The following MTA3 variants were observed in gnomAD, a reference collection of about 807,000 sequenced individuals.
MTA3 encodes metastasis-associated protein MTA3.
MTA3 carries 34 observed loss-of-function variants against 83.5 expected under a neutral mutation model. That is an observed-to-expected ratio of 0.41 (90% CI 0.31 to 0.54). MTA3 has a LOEUF of 0.54. MTA3 is among the 20% of genes least tolerant of loss of function. MTA3 has a pLI of 0.33. For synonymous variants in MTA3, 303 were observed against 252.7 expected, an observed-to-expected ratio of 1.20 and a Z score of -1.89; for missense variants, 761 against 726.4, an observed-to-expected ratio of 1.05 and a Z score of -0.55.
chr2:42,667,570 T>TTATGTGTGTGTGTGTGTGTGTGTTTGTG (rs770325715), intron 8 of MTA3, among the ~76,000 whole-genome samples: 1 of 145,010 alleles, frequency 6.9e-6, no homozygotes, highest in African/African-American at 2.6e-5. Context: ...CATTTAAAAA[T>TTATGTGTGTGTGTGTGTGTGTGTTTGTG]TGTGTGTGTG....
At chr2:42,604,145 G>A (rs1682941493) in intron 3 of MTA3, among the ~76,000 whole-genome samples, 1 of 151,746 alleles carries the variant, frequency 6.6e-6, no homozygotes, top group South Asian at 2.1e-4. Context: ...GGGTTCAAGC[G>A]ATTCTCCTGC....
At chr2:42,658,378 A>G (rs1420323339) in intron 7 of MTA3, among the ~76,000 whole-genome samples, 2 of 152,204 alleles carry the variant, frequency 1.3e-5, no homozygotes, top group Non-Finnish European at 2.9e-5. Context: ...GATTTATGGC[A>G]CTATTCATAG....
intron 2 of MTA3, among the ~76,000 whole-genome samples, chr2:42,520,607 G>A (rs1159199332): frequency 1.3e-5 from 2 of 151,324 alleles, no homozygotes; most frequent in African/African-American, 2.4e-5. Flanking sequence ...TTGAGATAGG[G>A]TCTCACTATG....
rs1553396459 is a variant in MTA3, at chr2:42,724,273, G to GAA, written c.1759+1242_1759+1243dup. On this transcript the variant is annotated intron_variant, in intron 16 of 16. Coordinates refer to ENST00000405094, the MANE Select transcript of MTA3 (RefSeq NM_001330442.2). The stretch of plus-strand genomic sequence containing the variant: ...CTGTAGAAGGTATAAAGTAAGTCCT[G>GAA]AAAAACACACACACACACACACACA... 1.0e-4 allele frequency among the ~76,000 whole-genome samples: 9 copies of GAA among 87,820 alleles called. 1 individual carries two copies. The highest frequency in any genetic ancestry group is 3.5e-4 in the African/African-American group (8 of 22,892). 57.6% of individuals were successfully genotyped at this position (87,820 alleles called of 152,430 possible). A position where few individuals can be genotyped will look rare whatever the true frequency, so the allele number is the denominator to read the frequency against.
At chr2:42,539,349 C>T (rs1255731649) in intron 2 of MTA3, among the ~76,000 whole-genome samples, 2 of 152,022 alleles carry the variant, frequency 1.3e-5, no homozygotes, top group Non-Finnish European at 2.9e-5. Flanking sequence ...TCCTTCTTCA[C>T]AGGGCAGCAG....
chr2:42,673,473 C>T (rs571207468), intron 8 of MTA3, among the ~76,000 whole-genome samples: 99 of 152,152 alleles, frequency 6.5e-4, no homozygotes, highest in Non-Finnish European at 1.3e-3. Context: ...TTTTTTGGGA[C>T]GTAGCCATCA....
chr2:42,708,811 C>A, intron 13 of MTA3, 63 bp from the exon 14 acceptor site: 1 of 1,550,728 alleles, frequency 6.4e-7, no homozygotes, highest in Non-Finnish European at 8.8e-7. Context: ...GAGCATGATG[C>A]AAACAGTAAC....
chr2:42,503,604 A>T (rs1405564432), intron 2 of MTA3, among the ~76,000 whole-genome samples: 1 of 152,144 alleles, frequency 6.6e-6, no homozygotes, highest in African/African-American at 2.4e-5. Flanking sequence ...ACTTCTCAGG[A>T]CTAGCTAGGT....
rs1320859003 is a variant in MTA3, at chr2:42,729,088, T to TTTTTG, written c.1759+6057_1759+6058insGTTTT. Reference sequence around the variant, plus strand: ...CTTTTATTAGTTTCACAGTTTGAGTTTTTTTTTTTTTTTTTTTTTTTTTTT... The same window carrying TTTTTG: ...CTTTTATTAGTTTCACAGTTTGAGTTTTTTGTTTTTTTTTTTTTTTTTTTTTTTTT... On this transcript the variant is annotated intron_variant, in intron 16 of 16. Transcript: ENST00000405094. Among the ~76,000 whole-genome samples, 377 of 85,030 alleles carry TTTTTG rather than the reference T, an allele frequency of 4.4e-3. 55 individuals are homozygous for TTTTTG. Among genetic ancestry groups the TTTTTG allele is most frequent in the African/African-American group, 0.016 (233 of 15,026 alleles). The allele number at this position is 85,030 out of a possible 152,430, so 55.8% of individuals were successfully genotyped here.
chr2:42,643,034 TCCCC>T (rs10533235), intron 5 of MTA3, among the ~76,000 whole-genome samples: 1 of 123,522 alleles, frequency 8.1e-6, no homozygotes, highest in African/African-American at 3.0e-5. Flanking sequence ...TATTGGTGTC[TCCCC>T]CCCCCCCCTT....
intron 9 of MTA3, among the ~76,000 whole-genome samples, chr2:42,691,040 C>G (rs1163770563): frequency 1.3e-5 from 2 of 151,972 alleles, no homozygotes; most frequent in Non-Finnish European, 2.9e-5. Context: ...CCATGCCCAG[C>G]TAATTTTCTT....
chr2:42,732,116 C>T (rs1327428190), intron 16 of MTA3, among the ~76,000 whole-genome samples: 1 of 151,140 alleles, frequency 6.6e-6, no homozygotes, highest in Non-Finnish European at 1.5e-5. Flanking sequence ...CCTCTTCTCA[C>T]GGCTGCACTA....
intron 15 of MTA3, among the ~76,000 whole-genome samples, chr2:42,719,780 A>G (rs1203087658): frequency 6.6e-6 from 1 of 152,236 alleles, no homozygotes; most frequent in Non-Finnish European, 1.5e-5. Flanking sequence ...TCCAAAGATG[A>G]TAGCTCCATT....
chr2:42,500,328 G>A (rs1022359129), intron 2 of MTA3, among the ~76,000 whole-genome samples: 1 of 152,140 alleles, frequency 6.6e-6, no homozygotes, highest in Non-Finnish European at 1.5e-5. Flanking sequence ...GGACCTGGGA[G>A]GCGGAGGTTA....
At chr2:42,515,233 ATTT>A (rs1675090449) in intron 2 of MTA3, among the ~76,000 whole-genome samples, 1 of 151,204 alleles carries the variant, frequency 6.6e-6, no homozygotes, top group African/African-American at 2.4e-5. Context: ...TAATTTTTGT[ATTT>A]TTAGTAGAGA....
rs1666918069 is a variant in MTA3, at chr2:42,714,898, G to A, written c.1526-4090G>A. 2.0e-5 allele frequency among the ~76,000 whole-genome samples: 3 copies of A among 152,286 alleles called. No individual in the cohort carries two copies. In the South Asian group the frequency reaches 6.2e-4, roughly 32 times the overall value. On this transcript the variant is annotated intron_variant, in intron 14 of 16. Coordinates refer to ENST00000405094, the MANE Select transcript of MTA3 (RefSeq NM_001330442.2). ...ACCTGACAGGAGGCGGAGCTCAGGC[G>A]GTAATGCTCACCTGCTGTCCGGCCC...
intron 2 of MTA3, among the ~76,000 whole-genome samples, chr2:42,524,770 G>A (rs1314480995): frequency 6.6e-6 from 1 of 150,418 alleles, no homozygotes; most frequent in South Asian, 2.1e-4. Context: ...AAACACTAGG[G>A]CCCTAAAACT....
intron 4 of MTA3, among the ~76,000 whole-genome samples, chr2:42,629,476 T>C (rs1305863983): frequency 6.6e-6 from 1 of 152,110 alleles, no homozygotes; most frequent in Non-Finnish European, 1.5e-5. Flanking sequence ...GTAATTGTGA[T>C]AGGTTAGCTG....
intron 4 of MTA3, among the ~76,000 whole-genome samples, chr2:42,616,038 G>A (rs1033667068): frequency 1.3e-5 from 2 of 151,672 alleles, no homozygotes; most frequent in African/African-American, 4.8e-5. Context: ...GTGAGCCACC[G>A]AGACTGGCCG....
Sources: allele counts gnomAD v4.1 joint callset (sites outside exome capture counted in the v4.1 genomes callset), GRCh38; gene constraint gnomAD v4.1.1; transcripts MANE v1.5; gene names NCBI Gene and HGNC (gene_info 2026-07-23, HGNC 2026-07-21).